The following ATP6V1B1 variants were observed in gnomAD, a reference collection of about 807,000 sequenced individuals.
ATP6V1B1 encodes V-type proton ATPase subunit B, kidney isoform.
A neutral mutation model predicts 62.1 loss-of-function variants in ATP6V1B1; 41 were observed. That is an observed-to-expected ratio of 0.66 (90% confidence interval 0.51 to 0.86). The LOEUF is 0.86. Among genes scored for constraint, ATP6V1B1 ranks in the 40% least tolerant of loss-of-function variants. The pLI, the probability that ATP6V1B1 is intolerant of heterozygous loss-of-function variation, is 0.00. For synonymous variants in ATP6V1B1, 253 were observed against 273.4 expected, an observed-to-expected ratio of 0.93 and a Z score of 0.74; for missense variants, 651 against 697.5, an observed-to-expected ratio of 0.93 and a Z score of 0.75.
chr2:70,949,869 A>G (rs1680279412), intron 2 of ATP6V1B1, among the ~76,000 whole-genome samples: 1 of 152,182 alleles, frequency 6.6e-6, no homozygotes, highest in Non-Finnish European at 1.5e-5. Context: ...ATGATCAAAT[A>G]TTTTTTGTTT....
intron 2 of ATP6V1B1, among the ~76,000 whole-genome samples, chr2:70,947,189 A>C (rs1445073822): frequency 6.6e-6 from 1 of 152,136 alleles, no homozygotes; most frequent in Non-Finnish European, 1.5e-5. Flanking sequence ...GGTATGCATG[A>C]ATGTGCCTGT....
chr2:70,945,364 C>T (rs71414847), intron 2 of ATP6V1B1, among the ~76,000 whole-genome samples: 9 of 151,994 alleles, frequency 5.9e-5, no homozygotes, highest in Admixed American at 6.6e-5. Flanking sequence ...TTTGCGTAAA[C>T]GTTAATGAAT....
chr2:70,961,589 T>C lies in ATP6V1B1; in HGVS notation c.688-7T>C, dbSNP rs193240706. ...CCTACCTCCAGCCCACCCTGCTGTG[T>C]ATCCAGGTGAACATGGAGACAGCCA... On this transcript the variant is annotated splice_polypyrimidine_tract_variant and splice_region_variant and intron_variant, in intron 7 of 13. Transcript: ENST00000234396. 176 of 1,614,144 alleles carry C rather than the reference T, an allele frequency of 1.1e-4. No individual in the cohort carries two copies. The African/African-American group carries it at 2.1e-3, about 19-fold the overall frequency.
chr2:70,964,329 C>A lies in ATP6V1B1; in HGVS notation c.1144-109C>A, dbSNP rs1331430572. The A allele has an allele frequency of 6.1e-6, 7 of 1,149,386 alleles. No individual in the cohort carries two copies. The African/African-American group carries it at 1.1e-4, about 18-fold the overall frequency. The allele number at this position is 1,149,386 out of a possible 1,614,324, so 71.2% of individuals were successfully genotyped here. A position where few individuals can be genotyped will look rare whatever the true frequency, so the allele number is the denominator to read the frequency against. ...AAGAGAGGGTGGGTGTGGCTGTTGACCCCTCGGAATGTAGGATAAGTGAGG... is the reference window on the plus strand; with the variant it reads ...AAGAGAGGGTGGGTGTGGCTGTTGAACCCTCGGAATGTAGGATAAGTGAGG... On this transcript the variant is annotated intron_variant, in intron 11 of 13. Coordinates refer to ENST00000234396, the MANE Select transcript of ATP6V1B1 (RefSeq NM_001692.4).
chr2:70,950,071 T>G (rs1553418013), intron 2 of ATP6V1B1, among the ~76,000 whole-genome samples: 1 of 152,204 alleles, frequency 6.6e-6, no homozygotes, highest in Admixed American at 6.5e-5. Context: ...TAACTAGATA[T>G]CCTCTTATGT....
chr2:70,941,068 C>A, intron 1 of ATP6V1B1: 1 of 456,078 alleles, frequency 2.2e-6, no homozygotes, highest in Non-Finnish European at 2.9e-6. Flanking sequence ...AGGCACGTTC[C>A]ACCATGCCCA....
intron 1 of ATP6V1B1, among the ~76,000 whole-genome samples, chr2:70,939,106 C>G (rs1433223116): frequency 6.6e-6 from 1 of 152,258 alleles, no homozygotes; most frequent in African/African-American, 2.4e-5. Flanking sequence ...CGGCCTCACG[C>G]ATGGGCGCCT....
At position 70,964,946 on chromosome 2, in the gene ATP6V1B1, C is replaced by T; in HGVS notation, c.1379-12C>T. 1 of 1,614,038 alleles carries T rather than the reference C, an allele frequency of 6.2e-7. No individual in the cohort carries two copies. The highest frequency in any genetic ancestry group is 8.5e-7 in the Non-Finnish European group (1 of 1,180,036). Reference sequence around the variant, plus strand: ...CACACATTCCTAACACTCCCTCCCGCTCTGTCCCTAGGCCCCTACGAGAAC... The same window carrying T: ...CACACATTCCTAACACTCCCTCCCGTTCTGTCCCTAGGCCCCTACGAGAAC... On this transcript the variant is annotated splice_polypyrimidine_tract_variant and intron_variant, in intron 13 of 13. Coordinates refer to ENST00000234396, the MANE Select transcript of ATP6V1B1 (RefSeq NM_001692.4).
At chr2:70,960,895 C>A (rs1307071226) in intron 6 of ATP6V1B1, 26 bp from the exon 7 acceptor site, 1 of 1,590,872 alleles carries the variant, frequency 6.3e-7, no homozygotes, top group Admixed American at 1.7e-5. Flanking sequence ...CTCTGACGTC[C>A]TCCTGCCCAA....
At chr2:70,961,218 C>T (rs988708602) in intron 7 of ATP6V1B1, among the ~76,000 whole-genome samples, 196 bp downstream of exon 7, 4 of 152,082 alleles carry the variant, frequency 2.6e-5, no homozygotes, top group Non-Finnish European at 5.9e-5. Flanking sequence ...GTAGGATGGG[C>T]CCTGGGTGGC....
At chr2:70,964,114 A>ATT (rs66905923) in intron 11 of ATP6V1B1, 2,997 of 126,754 alleles carry the variant, frequency 0.024, 204 homozygotes, top group East Asian at 0.12. Context: ...CTTGGCAGGT[A>ATT]TTTTTTTTTT....
rs142016861 is a variant in ATP6V1B1 at position 70,962,798 on chromosome 2, G to A, written c.807G>A (p.Pro269=). The part of the protein sequence containing the change: ...NDPTIERIIT[P]RLALTTAEFL... ...CCAGGATCGAGCGGATCATCACCCC[G>A]CGCCTGGCGCTGACCACTGCTGAAT... The change falls in exon 9 of 14, where the codon CCG becomes CCA. Residue 269 remains proline, a synonymous_variant. Coordinates refer to ENST00000234396, the MANE Select transcript of ATP6V1B1 (RefSeq NM_001692.4). 57 of 1,614,052 alleles carry A rather than the reference G, an allele frequency of 3.5e-5. No homozygotes were observed. The highest frequency in any genetic ancestry group is 3.3e-4 in the African/African-American group (25 of 75,042).
chr2:70,935,931 G>A lies in ATP6V1B1; in HGVS notation c.-24G>A. The A allele has an allele frequency of 1.9e-6, 3 of 1,599,310 alleles. No individual in the cohort carries two copies. The highest frequency in any genetic ancestry group is 1.7e-6 in the Non-Finnish European group (2 of 1,168,566). On this transcript the variant is annotated 5_prime_UTR_variant, in exon 1 of 14. Coordinates refer to ENST00000234396, the MANE Select transcript of ATP6V1B1 (RefSeq NM_001692.4). ...GCCACCAGCAGCAGGCTCAGACACT[G>A]GGCTCCCAGCTGGGGACTGCTCCAT...
At chr2:70,943,284 C>G (rs1193697941) in intron 1 of ATP6V1B1, 1 of 438,444 alleles carries the variant, frequency 2.3e-6, no homozygotes, top group African/African-American at 2.0e-5. Context: ...CGGCCACAGC[C>G]GGGGGCCAGG....
In ATP6V1B1 at chr2:70,963,448, C is replaced by G; in HGVS notation, c.1061-124C>G. On this transcript the variant is annotated intron_variant, in intron 10 of 13. Coordinates refer to ENST00000234396, the MANE Select transcript of ATP6V1B1 (RefSeq NM_001692.4). The surrounding 1 kb of genome is among the most constrained non-coding windows in gnomAD (Gnocchi z 4.3). Reference sequence around the variant, plus strand: ...TCCATCGAGATAGACACTGCCCTTTCCTCCACCATCCATGCCCCCCACACA... The same window carrying G: ...TCCATCGAGATAGACACTGCCCTTTGCTCCACCATCCATGCCCCCCACACA... 5 of 1,520,682 alleles carry G rather than the reference C, an allele frequency of 3.3e-6. No individual in the cohort carries two copies. Among genetic ancestry groups the G allele is most frequent in the Non-Finnish European group, 4.5e-6 (5 of 1,100,816 alleles). The allele number at this position is 1,520,682 out of a possible 1,614,324, so 94.2% of individuals were successfully genotyped here. A position where few individuals can be genotyped will look rare whatever the true frequency, so the allele number is the denominator to read the frequency against.
chr2:70,951,100 G>A (rs572339597), intron 2 of ATP6V1B1, among the ~76,000 whole-genome samples: 152 of 151,374 alleles, frequency 1.0e-3, no homozygotes, highest in African/African-American at 3.4e-3. Context: ...CCTCTACCAC[G>A]CCTGGCTAAT....
Position 70,963,159 on chromosome 2 carries a change from C to T in ATP6V1B1, c.910-3C>T. 1 of 1,614,074 alleles carries T rather than the reference C, an allele frequency of 6.2e-7. No individual in the cohort carries two copies. Among genetic ancestry groups the T allele is most frequent in the African/African-American group, 1.3e-5 (1 of 75,020 alleles). ...CTTACCCCAGTGCCCATGGATATTGCAGGTCTCTGCTGCTAGAGAGGAGGT... is the reference window on the plus strand; with the variant it reads ...CTTACCCCAGTGCCCATGGATATTGTAGGTCTCTGCTGCTAGAGAGGAGGT... On this transcript the variant is annotated splice_polypyrimidine_tract_variant and splice_region_variant and intron_variant, in intron 9 of 13. Coordinates refer to ENST00000234396, the MANE Select transcript of ATP6V1B1 (RefSeq NM_001692.4). The surrounding 1 kb of genome is among the most constrained non-coding windows in gnomAD (Gnocchi z 4.3).
intron 2 of ATP6V1B1, chr2:70,957,652 A>T (rs1176145961): frequency 8.9e-6 from 3 of 338,488 alleles, no homozygotes; most frequent in Non-Finnish European, 1.7e-5. Flanking sequence ...ATGCTAATGG[A>T]TCTGCATATG....
Position 70,959,466 on chromosome 2 carries a change from T to C in ATP6V1B1, c.445+371T>C, listed in dbSNP as rs905897652. On this transcript the variant is annotated intron_variant, in intron 5 of 13. Coordinates refer to ENST00000234396, the MANE Select transcript of ATP6V1B1 (RefSeq NM_001692.4). The surrounding 1 kb of genome is among the most constrained non-coding windows in gnomAD (Gnocchi z 4.2). ...TTTACTGAGGACACACTGGGAGGCC[T>C]GTGGGAGCCCGTGGCTTGCCCTACG... Among the ~76,000 whole-genome samples, 7 of 152,214 alleles carry C rather than the reference T, an allele frequency of 4.6e-5. No individual in the cohort carries two copies. Among genetic ancestry groups the C allele is most frequent in the African/African-American group, 1.2e-4 (5 of 41,462 alleles).
Sources: gnomAD v4.1 joint callset for allele counts (sites outside exome capture counted in the v4.1 genomes callset) on GRCh38, gnomAD v4.1.1 for gene constraint, Gnocchi (gnomAD v3.1) non-coding constraint, MANE v1.5 for transcripts, NCBI Gene and HGNC (gene_info 2026-07-23, HGNC 2026-07-21) for gene names.